The following CDH12 variants were observed in gnomAD, a reference collection of about 807,000 sequenced individuals.
CDH12 encodes the protein cadherin 12.
Under a neutral mutation model 74.1 loss-of-function variants are expected in CDH12, and 41 were observed. The observed-to-expected ratio is 0.55, with a 90% CI of 0.43 to 0.72. CDH12 has a LOEUF of 0.72. Among genes scored for constraint, CDH12 ranks in the 30% least tolerant of loss-of-function variants. CDH12 has a pLI of 0.00. For missense variants in CDH12, 945 were observed against 977.2 expected, an observed-to-expected ratio of 0.97 and a Z score of 0.44; for synonymous variants, 399 against 355.0, an observed-to-expected ratio of 1.12 and a Z score of -1.39.
At position 21,802,278 on chromosome 5, in the gene CDH12, G is replaced by A; in HGVS notation, c.1145C>T (p.Pro382Leu). ...GGTGTAGAGCGGCTTGCTGAAAACC[G>A]GTGGCTCATCTACGTCCAGCACGCT... The part of the protein sequence containing the change: ...KISVLDVDEP[P>L]VFSKPLYTME... Residue 382 changes from proline to leucine, a missense_variant, in exon 10 of 15, where the codon CCG becomes CTG. Physicochemically the swap from Pro to Leu is moderately conservative, Grantham distance 98. This residue lies in a region of CDH12 where 791 missense variants were observed against 792.8 expected (regional missense o/e 1.00). Coordinates refer to ENST00000382254, the MANE Select transcript of CDH12 (RefSeq NM_004061.5). 3 of 1,611,520 alleles carry A rather than the reference G, an allele frequency of 1.9e-6. No individual in the cohort carries two copies. Among genetic ancestry groups the A allele is most frequent in the Non-Finnish European group, 2.5e-6 (3 of 1,179,094 alleles).
At chr5:22,091,724 A>G (rs941208360) in intron 4 of CDH12, among the ~76,000 whole-genome samples, 2 of 152,024 alleles carry the variant, frequency 1.3e-5, no homozygotes, top group Non-Finnish European at 2.9e-5. Flanking sequence ...TAGAAATGAA[A>G]GGGACCCAGC....
At chr5:22,848,284 T>C (rs546309844) in intron 1 of CDH12, among the ~76,000 whole-genome samples, 7 of 152,350 alleles carry the variant, frequency 4.6e-5, no homozygotes, top group African/African-American at 1.7e-4. Context: ...GCATTCTTTT[T>C]TTAACCTTCA....
intron 2 of CDH12, among the ~76,000 whole-genome samples, chr5:22,503,722 C>T (rs937069470): frequency 6.6e-6 from 1 of 151,890 alleles, no homozygotes; most frequent in Non-Finnish European, 1.5e-5. Flanking sequence ...TTCTTCTTAT[C>T]GTTGTACATA....
intron 6 of CDH12, among the ~76,000 whole-genome samples, chr5:21,921,354 C>G (rs1754343638): frequency 6.6e-6 from 1 of 152,170 alleles, no homozygotes; most frequent in African/African-American, 2.4e-5. Flanking sequence ...TGCATCTTCT[C>G]CATCTGGTCC....
intron 1 of CDH12, among the ~76,000 whole-genome samples, chr5:22,508,088 G>A (rs772022339): frequency 1.3e-5 from 2 of 152,110 alleles, no homozygotes; most frequent in Non-Finnish European, 2.9e-5. Flanking sequence ...CTCGTTTTAA[G>A]ATCCTTTATT....
chr5:22,544,384 G>A (rs1196389549), intron 1 of CDH12, among the ~76,000 whole-genome samples: 1 of 152,072 alleles, frequency 6.6e-6, no homozygotes, highest in Non-Finnish European at 1.5e-5. Flanking sequence ...ATTAGTTTAT[G>A]GTTTTGGACC....
At chr5:21,981,199 C>T (rs1250802121) in intron 5 of CDH12, among the ~76,000 whole-genome samples, 2 of 152,146 alleles carry the variant, frequency 1.3e-5, no homozygotes, top group Admixed American at 1.3e-4. Context: ...TGTTTATTCT[C>T]TGTGTTGTCA....
At chr5:21,946,617 G>A (rs1755590142) in intron 6 of CDH12, among the ~76,000 whole-genome samples, 1 of 152,084 alleles carries the variant, frequency 6.6e-6, no homozygotes, top group Admixed American at 6.5e-5. Context: ...ACAAAATCAT[G>A]TACAATCATG....
chr5:22,742,327 G>A (rs956176094), intron 1 of CDH12, among the ~76,000 whole-genome samples: 1 of 152,124 alleles, frequency 6.6e-6, no homozygotes, highest in Non-Finnish European at 1.5e-5. Flanking sequence ...AGGACCAGAG[G>A]AGTCTGAGTA....
intron 1 of CDH12, among the ~76,000 whole-genome samples, chr5:22,651,975 G>A (rs1019388001): frequency 2.0e-5 from 3 of 152,052 alleles, no homozygotes; most frequent in African/African-American, 7.2e-5. Flanking sequence ...ATACCAAGTA[G>A]ACCTACAACA....
intron 1 of CDH12, among the ~76,000 whole-genome samples, chr5:22,822,259 A>C (rs2126478389): frequency 6.6e-6 from 1 of 152,228 alleles, no homozygotes; most frequent in Middle Eastern, 3.4e-3. Flanking sequence ...TTACCTGTTA[A>C]ACCTAAAACC....
At chr5:22,730,957 C>T (rs1378385981) in intron 1 of CDH12, among the ~76,000 whole-genome samples, 5 of 151,550 alleles carry the variant, frequency 3.3e-5, no homozygotes, top group African/African-American at 1.2e-4. Context: ...TAGACATAAC[C>T]CAATTGAAAG....
intron 2 of CDH12, among the ~76,000 whole-genome samples, chr5:22,463,303 T>C (rs575776193): frequency 6.6e-6 from 1 of 152,308 alleles, no homozygotes; most frequent in Admixed American, 6.5e-5. Flanking sequence ...ATCAATGATT[T>C]ATTTCTTAAT....
intron 1 of CDH12, among the ~76,000 whole-genome samples, chr5:22,564,290 T>C (rs1739195268): frequency 6.6e-6 from 1 of 152,206 alleles, no homozygotes; most frequent in Admixed American, 6.5e-5. Context: ...GCTGGACATG[T>C]ACAATATCTG....
chr5:21,924,250 G>A (rs1333147544), intron 6 of CDH12, among the ~76,000 whole-genome samples: 2 of 152,132 alleles, frequency 1.3e-5, no homozygotes, highest in Non-Finnish European at 1.5e-5. Context: ...AGCTGTGGCC[G>A]GGCACGGTGG....
rs146542043 is a variant in CDH12 at position 22,323,534 on chromosome 5, T to C, written c.-333+81723A>G. On this transcript the variant is annotated intron_variant, in intron 3 of 14. Transcript: ENST00000382254. ...TAGAAGATTATATATTTTATGTTTA[T>C]TGGCATAAATTGTTTAATATCACAC... Among the ~76,000 whole-genome samples, 1,477 of 152,290 alleles carry C rather than the reference T, an allele frequency of 9.7e-3. 24 individuals are homozygous for C. The highest frequency in any genetic ancestry group is 0.032 in the African/African-American group (1,344 of 41,578).
rs1745138417 is a variant in CDH12, at chr5:22,743,452, A to G, written c.-523+109606T>C. On this transcript the variant is annotated intron_variant, in intron 1 of 14. Coordinates refer to ENST00000382254, the MANE Select transcript of CDH12 (RefSeq NM_004061.5). Reference sequence around the variant, plus strand: ...ACTATAAATTGGAAGAAAAATGATGACATGGAAATGGTCAAATGTGTTTAT... The same window carrying G: ...ACTATAAATTGGAAGAAAAATGATGGCATGGAAATGGTCAAATGTGTTTAT... Among the ~76,000 whole-genome samples, 3 of 151,848 alleles carry G rather than the reference A, an allele frequency of 2.0e-5. No homozygotes were observed. The South Asian group carries it at 6.2e-4, about 31-fold the overall frequency.
At chr5:22,713,763 G>C (rs1455029590) in intron 1 of CDH12, among the ~76,000 whole-genome samples, 1 of 152,066 alleles carries the variant, frequency 6.6e-6, no homozygotes, top group Admixed American at 6.6e-5. Flanking sequence ...TTATTTCAGT[G>C]CTTAGTCTTA....
chr5:22,466,093 C>T (rs549459661), intron 2 of CDH12, among the ~76,000 whole-genome samples: 1 of 152,096 alleles, frequency 6.6e-6, no homozygotes, highest in Non-Finnish European at 1.5e-5. Context: ...AGTAAGTGGC[C>T]ATCTTACTTT....
Sources: allele counts gnomAD v4.1 joint callset (sites outside exome capture counted in the v4.1 genomes callset), GRCh38; gene constraint gnomAD v4.1.1; regional missense constraint gnomAD v4.1.1; transcripts MANE v1.5; gene names NCBI Gene and HGNC (gene_info 2026-07-23, HGNC 2026-07-21).